GSE1: variants seen among roughly 807,000 people sequenced by gnomAD.
The protein encoded by GSE1 is Gse1 coiled-coil protein.
A neutral mutation model predicts 112.6 loss-of-function variants in GSE1; 32 were observed. The observed-to-expected ratio is 0.28, with a 90% CI of 0.21 to 0.38. The LOEUF is 0.38. Ranked by LOEUF, GSE1 falls within the 10% of genes least tolerant of loss-of-function variation. GSE1 has a pLI of 1.00. For missense variants in GSE1, 2,348 were observed against 1,699.2 expected, an observed-to-expected ratio of 1.38 and a Z score of -6.71; for synonymous variants, 1,115 against 735.6, an observed-to-expected ratio of 1.52 and a Z score of -8.35.
Position 85,402,521 on chromosome 16 carries a change from C to T in GSE1, c.2464+44878C>T, listed in dbSNP as rs1417511110. Reference sequence around the variant, plus strand: ...GGGAGAGTGGACCCAGAGAGAGTGGCCTGCAAGCCATGTGGAGCCGGGGCT... The same window carrying T: ...GGGAGAGTGGACCCAGAGAGAGTGGTCTGCAAGCCATGTGGAGCCGGGGCT... On this transcript the variant is annotated intron_variant, in intron 2 of 2. Coordinates refer to the GSE1 transcript ENST00000637419. Among the ~76,000 whole-genome samples, 5 of 152,298 alleles carry T rather than the reference C, an allele frequency of 3.3e-5. No homozygotes were observed. In the South Asian group the frequency reaches 8.3e-4, roughly 25 times the overall value.
chr16:85,331,896 A>G (rs1385856671), intron 1 of GSE1, among the ~76,000 whole-genome samples: 1 of 151,788 alleles, frequency 6.6e-6, no homozygotes, highest in Non-Finnish European at 1.5e-5. Flanking sequence ...CATGTTTGGA[A>G]GCTTGAGGCG....
rs2047336216 is a variant in GSE1, at chr16:85,373,043, G to A, written c.2464+15400G>A. Among the ~76,000 whole-genome samples, 2 of 152,258 alleles carry A rather than the reference G, an allele frequency of 1.3e-5. No individual in the cohort carries two copies. The stretch of plus-strand genomic sequence containing the variant: ...TCTCTAAACTGTGAGACATGCAGAA[G>A]TTCTCCAGAATCACCTGCACGGCTT... On this transcript the variant is annotated intron_variant, in intron 2 of 2. Coordinates refer to the GSE1 transcript ENST00000637419. The surrounding 1 kb of genome is among the most constrained non-coding windows in gnomAD (Gnocchi z 5.1).
At chr16:85,275,208 A>T (rs1909236086) in intron 1 of GSE1, among the ~76,000 whole-genome samples, 1 of 152,126 alleles carries the variant, frequency 6.6e-6, no homozygotes, top group Non-Finnish European at 1.5e-5. Flanking sequence ...CTCCCAAACC[A>T]CAGAGGCCTC....
At chr16:85,253,038 T>C (rs1597196325) in intron 1 of GSE1, among the ~76,000 whole-genome samples, 2 of 116,366 alleles carry the variant, frequency 1.7e-5, no homozygotes, top group Non-Finnish European at 1.7e-5. Flanking sequence ...GCCAGGCGGC[T>C]CCAGCTCATA....
At chr16:85,403,778 G>A (rs1398393794) in intron 2 of GSE1, among the ~76,000 whole-genome samples, 7 of 152,140 alleles carry the variant, frequency 4.6e-5, no homozygotes, top group Non-Finnish European at 1.0e-4. Context: ...CTCCAGTCCT[G>A]GTGACAGAGT....
chr16:85,240,646 A>G (rs889319430), intron 1 of GSE1, among the ~76,000 whole-genome samples: 28 of 152,176 alleles, frequency 1.8e-4, no homozygotes, highest in African/African-American at 6.0e-4. Flanking sequence ...TGGAGGGGTC[A>G]TGAAGAGCTG....
chr16:85,457,353 G>C (rs1290238882), intron 2 of GSE1, among the ~76,000 whole-genome samples: 2 of 152,200 alleles, frequency 1.3e-5, no homozygotes, highest in Non-Finnish European at 2.9e-5. Flanking sequence ...CCCCAGACTG[G>C]ACCGCAGCTG....
intron 1 of GSE1, among the ~76,000 whole-genome samples, chr16:85,179,327 G>A (rs111535038): frequency 1.9e-3 from 286 of 152,296 alleles, no homozygotes; most frequent in Admixed American, 4.7e-3. Context: ...CTGTTGCGTG[G>A]ATCAGAGCTT....
rs867175640 is a variant in GSE1, at chr16:85,343,802, C to T, written c.2284-13661C>T. Reference sequence around the variant, plus strand: ...AAATCAAAATGATGTCTCTTCAGCTCGGAACATCCAGCAGGCTCCCCTCTC... The same window carrying T: ...AAATCAAAATGATGTCTCTTCAGCTTGGAACATCCAGCAGGCTCCCCTCTC... On this transcript the variant is annotated intron_variant, in intron 1 of 2. Coordinates refer to the GSE1 transcript ENST00000637419. 3.3e-5 allele frequency among the ~76,000 whole-genome samples: 5 copies of T among 152,164 alleles called. No individual in the cohort carries two copies. In the South Asian group the frequency reaches 8.3e-4, roughly 25 times the overall value.
chr16:85,211,603 C>T (rs1026331815), intron 1 of GSE1, among the ~76,000 whole-genome samples: 8 of 152,218 alleles, frequency 5.3e-5, no homozygotes, highest in Non-Finnish European at 7.3e-5. Context: ...AAGCCCTTTG[C>T]AGGTGGTGAC....
intron 1 of GSE1, among the ~76,000 whole-genome samples, chr16:85,572,313 A>C (rs2046028631): frequency 7.1e-6 from 1 of 140,216 alleles, no homozygotes; most frequent in African/African-American, 2.9e-5. Context: ...ACCACATACC[A>C]CACAACACAC....
chr16:85,350,735 A>G (rs940480069), intron 1 of GSE1, among the ~76,000 whole-genome samples: 1 of 152,162 alleles, frequency 6.6e-6, no homozygotes, highest in Non-Finnish European at 1.5e-5. Flanking sequence ...GAGTTCGTTG[A>G]ATTTCCTCCG....
Position 85,639,158 on chromosome 16 carries a change from T to C in GSE1, c.226+5026T>C, listed in dbSNP as rs188561989. Among the ~76,000 whole-genome samples the C allele has an allele frequency of 7.0e-3, 1,060 of 152,284 alleles. 6 individuals are homozygous for C. Among genetic ancestry groups the C allele is most frequent in the Non-Finnish European group, 0.011 (744 of 68,004 alleles). ...GCCCTGGTGGCTATTGGTCTCTTTG[T>C]TCCTCCCACATTGTCCCAGCCACCA... On this transcript the variant is annotated intron_variant, in intron 2 of 15. Transcript: ENST00000253458.
chr16:85,537,005 AC>A, intron 2 of GSE1, among the ~76,000 whole-genome samples: 1 of 151,986 alleles, frequency 6.6e-6, no homozygotes, highest in Non-Finnish European at 1.5e-5. Context: ...AGCAGGCCCC[AC>A]CCCGACGAGT....
chr16:85,345,081 A>G (rs966582753), intron 1 of GSE1, among the ~76,000 whole-genome samples: 2 of 102,320 alleles, frequency 2.0e-5, no homozygotes, highest in Admixed American at 1.2e-4. Flanking sequence ...CCCACCTCCC[A>G]CCCCCTCCTA....
intron 2 of GSE1, among the ~76,000 whole-genome samples, chr16:85,541,622 G>A (rs1209984261): frequency 6.6e-6 from 1 of 152,230 alleles, no homozygotes; most frequent in Non-Finnish European, 1.5e-5. Flanking sequence ...TCTGTGCCTG[G>A]GATCAGAGTG....
chr16:85,523,988 G>A (rs1187581806), intron 2 of GSE1, among the ~76,000 whole-genome samples: 1 of 152,178 alleles, frequency 6.6e-6, no homozygotes, highest in South Asian at 2.1e-4. Flanking sequence ...GGGCTTTTGG[G>A]GTGATGCTGT....
rs1205625835 is a variant in GSE1, at chr16:85,331,685, GTATATATA to G, written c.2284-25762_2284-25755del. On this transcript the variant is annotated intron_variant, in intron 1 of 2. Transcript: ENST00000637419. ...TATGTGTGTGTGTGTGTGTGTGTGT[GTATATATA>G]TATATATATATATATTTTTTTTTTT... Among the ~76,000 whole-genome samples the G allele has an allele frequency of 1.1e-4, 5 of 44,242 alleles. 1 individual carries two copies. Among genetic ancestry groups the G allele is most frequent in the African/African-American group, 4.3e-4 (4 of 9,360 alleles). 29.0% of individuals were successfully genotyped at this position (44,242 alleles called of 152,430 possible).
chr16:85,412,776 C>G (rs1324724933), intron 2 of GSE1, among the ~76,000 whole-genome samples: 1 of 152,256 alleles, frequency 6.6e-6, no homozygotes, highest in African/African-American at 2.4e-5. Flanking sequence ...TCTGATAATC[C>G]TCGCTGACCT....
Sources: gnomAD v4.1 joint callset for allele counts (sites outside exome capture counted in the v4.1 genomes callset) on GRCh38, gnomAD v4.1.1 for gene constraint, Gnocchi (gnomAD v3.1) non-coding constraint, MANE v1.5 for transcripts, NCBI Gene and HGNC (gene_info 2026-07-23, HGNC 2026-07-21) for gene names.